Variants in LPP observed in about 807,000 individuals in gnomAD.
LPP encodes lipoma-preferred partner.
A neutral mutation model predicts 60.4 loss-of-function variants in LPP; 38 were observed. The observed-to-expected ratio is 0.63, with a 90% CI of 0.49 to 0.83. The LOEUF (loss-of-function observed/expected upper bound fraction) is 0.83. LPP is among the 40% of genes least tolerant of loss of function. LPP has a pLI of 0.00. For synonymous variants in LPP, 328 were observed against 290.8 expected, an observed-to-expected ratio of 1.13 and a Z score of -1.30; for missense variants, 902 against 783.6, an observed-to-expected ratio of 1.15 and a Z score of -1.80.
intron 3 of LPP, among the ~76,000 whole-genome samples, chr3:188,362,580 T>C (rs547815715): frequency 6.6e-6 from 1 of 152,340 alleles, no homozygotes; most frequent in Admixed American, 6.5e-5. Flanking sequence ...AGATAGCCTC[T>C]TTTTATTTCC....
chr3:188,157,966 T>C (rs534355530), intron 1 of LPP, among the ~76,000 whole-genome samples: 2 of 152,208 alleles, frequency 1.3e-5, no homozygotes, highest in East Asian at 3.9e-4. Context: ...AAGAGGACCA[T>C]GGAAAATGGA....
chr3:188,760,295 T>C lies in LPP; in HGVS notation c.1410+13T>C, dbSNP rs781067762. The C allele has an allele frequency of 6.2e-7, 1 of 1,613,960 alleles. No individual in the cohort carries two copies. Among genetic ancestry groups the C allele is most frequent in the Admixed American group, 1.7e-5 (1 of 60,006 alleles). ...GCCCTGCTACATTGTAAGTTCCAGATTTGTTCCTCAAGCACTTTGCAAAGA... is the reference window on the plus strand; with the variant it reads ...GCCCTGCTACATTGTAAGTTCCAGACTTGTTCCTCAAGCACTTTGCAAAGA... On this transcript the variant is annotated intron_variant, in intron 9 of 11. Coordinates refer to ENST00000617246, the MANE Select transcript of LPP (RefSeq NM_001375462.1).
chr3:188,762,945 TG>T (rs1183978447), intron 9 of LPP, among the ~76,000 whole-genome samples: 1 of 152,196 alleles, frequency 6.6e-6, no homozygotes, highest in Non-Finnish European at 1.5e-5. Context: ...AGCCCTCAGA[TG>T]GATGTATCAG....
chr3:188,534,681 G>A (rs1358326503), intron 6 of LPP, among the ~76,000 whole-genome samples: 1 of 152,176 alleles, frequency 6.6e-6, no homozygotes, highest in Non-Finnish European at 1.5e-5. Flanking sequence ...AAGAGAAAAA[G>A]CCGTGTCTCA....
intron 1 of LPP, among the ~76,000 whole-genome samples, chr3:188,161,454 A>T (rs897780331): frequency 2.0e-5 from 3 of 152,212 alleles, no homozygotes; most frequent in African/African-American, 7.2e-5. Flanking sequence ...TGGCTGGGGA[A>T]AAGAATTTTT....
chr3:188,176,878 A>C (rs1410762181), intron 1 of LPP, among the ~76,000 whole-genome samples: 8 of 152,222 alleles, frequency 5.3e-5, no homozygotes, highest in Admixed American at 3.3e-4. Context: ...GTGGAAAAAC[A>C]CAAGGCTTAG....
At chr3:188,170,174 C>A in intron 1 of LPP, among the ~76,000 whole-genome samples, 1 of 152,308 alleles carries the variant, frequency 6.6e-6, no homozygotes, top group Non-Finnish European at 1.5e-5. Context: ...TTTCTGCCTT[C>A]GGCTTTGTTC....
rs75646212 is a variant in LPP at position 188,749,345 on chromosome 3, T to C, written c.1241-10768T>C. On this transcript the variant is annotated intron_variant, in intron 8 of 11. Transcript: ENST00000617246. Reference sequence around the variant, plus strand: ...CAGCTTGCTATGACATCTTAATCAATGAATTGCCTCTCTCTTACCCTTTGT... The same window carrying C: ...CAGCTTGCTATGACATCTTAATCAACGAATTGCCTCTCTCTTACCCTTTGT... Among the ~76,000 whole-genome samples the C allele has an allele frequency of 3.7e-3, 566 of 152,302 alleles. 3 individuals carry two copies. Among genetic ancestry groups the C allele is most frequent in the African/African-American group, 0.013 (536 of 41,580 alleles).
intron 5 of LPP, among the ~76,000 whole-genome samples, chr3:188,513,481 A>AT (rs886663750): frequency 1.3e-5 from 2 of 151,848 alleles, no homozygotes; most frequent in African/African-American, 4.8e-5. Flanking sequence ...CCAAATATCT[A>AT]TTTTACTGTC....
chr3:188,708,323 G>A lies in LPP; in HGVS notation c.1170G>A (p.Glu390=). Residue 390 remains glutamate, a synonymous_variant, in exon 8 of 12, where the codon GAG becomes GAA. Coordinates refer to ENST00000617246, the MANE Select transcript of LPP (RefSeq NM_001375462.1). Reference sequence around the variant, plus strand: ...CAGTTGCCCCTTCATTCCGCCCAGAGGATGAGCTTGAGCACCTGACCAAAA... The same window carrying A: ...CAGTTGCCCCTTCATTCCGCCCAGAAGATGAGCTTGAGCACCTGACCAAAA... ...PSSVAPSFRP[E]DELEHLTKKM... 6.2e-7 allele frequency: 1 copy of A among 1,614,172 alleles called. No homozygotes were observed. The highest frequency in any genetic ancestry group is 8.5e-7 in the Non-Finnish European group (1 of 1,180,020).
At chr3:188,346,818 C>A (rs1764527008) in intron 3 of LPP, among the ~76,000 whole-genome samples, 1 of 152,130 alleles carries the variant, frequency 6.6e-6, no homozygotes, top group South Asian at 2.1e-4. Flanking sequence ...ATTTGAGTGG[C>A]ATACATTTCC....
At chr3:188,297,831 G>A (rs551350081) in intron 2 of LPP, among the ~76,000 whole-genome samples, 2 of 152,292 alleles carry the variant, frequency 1.3e-5, no homozygotes. Context: ...GACATTCAAA[G>A]GGATCAGGTA....
chr3:188,371,845 A>G (rs1478891755), intron 3 of LPP, among the ~76,000 whole-genome samples: 1 of 150,478 alleles, frequency 6.6e-6, no homozygotes, highest in Non-Finnish European at 1.5e-5. Context: ...TTTAGTAGAG[A>G]CGGGGTTTCG....
At chr3:188,275,816 C>T (rs1222892963) in intron 2 of LPP, among the ~76,000 whole-genome samples, 1 of 152,160 alleles carries the variant, frequency 6.6e-6, no homozygotes, top group Non-Finnish European at 1.5e-5. Flanking sequence ...GCTGGGATTA[C>T]AGGCACGTGC....
intron 8 of LPP, chr3:188,711,366 T>C (rs945074064): frequency 2.0e-5 from 3 of 152,196 alleles, no homozygotes; most frequent in African/African-American, 4.8e-5. Context: ...GATTTTGAAA[T>C]TAAGGCACAG....
In LPP at chr3:188,521,011, C is replaced by A. The variant is rs376445047; in HGVS notation, c.307-3654C>A. On this transcript the variant is annotated intron_variant, in intron 5 of 11. Transcript: ENST00000617246. ...TTGAGAGTAGCAAGATCCCCTAAATCGAAAGGTAAATGAATATCTACAGAT... is the reference window on the plus strand; with the variant it reads ...TTGAGAGTAGCAAGATCCCCTAAATAGAAAGGTAAATGAATATCTACAGAT... 5.1e-4 allele frequency among the ~76,000 whole-genome samples: 78 copies of A among 152,000 alleles called. 2 individuals carry two copies. In the South Asian group the frequency reaches 0.015, roughly 29 times the overall value.
intron 6 of LPP, among the ~76,000 whole-genome samples, chr3:188,577,738 T>G (rs1834976817): frequency 1.1e-5 from 1 of 93,902 alleles, no homozygotes; most frequent in African/African-American, 3.3e-5. Flanking sequence ...GTTTCCTTCC[T>G]TCCTTTGTTC....
chr3:188,572,870 G>A lies in LPP; in HGVS notation c.430-36291G>A, dbSNP rs1833831863. Among the ~76,000 whole-genome samples the A allele has an allele frequency of 6.6e-6, 1 of 152,032 alleles. No individual in the cohort carries two copies. The highest frequency in any genetic ancestry group is 1.5e-5 in the Non-Finnish European group (1 of 68,000). On this transcript the variant is annotated intron_variant, in intron 6 of 11. Coordinates refer to ENST00000617246, the MANE Select transcript of LPP (RefSeq NM_001375462.1). This position sits in a 1 kb window ranked among gnomAD's most constrained non-coding sequence, Gnocchi z 4.1. The stretch of plus-strand genomic sequence containing the variant: ...AATAGTTGTCATTTCCAACACTTTT[G>A]ACCTCCATGCCAGAGTAAAAGAGCT...
chr3:188,796,631 G>A (rs2151090013), intron 9 of LPP, among the ~76,000 whole-genome samples: 1 of 152,244 alleles, frequency 6.6e-6, no homozygotes, highest in Middle Eastern at 3.4e-3. Flanking sequence ...AAGAAACCAT[G>A]TTTAGTTAAG....
Sources: allele counts gnomAD v4.1 joint callset (sites outside exome capture counted in the v4.1 genomes callset), GRCh38; gene constraint gnomAD v4.1.1; non-coding constraint Gnocchi (gnomAD v3.1); transcripts MANE v1.5; gene names NCBI Gene and HGNC (gene_info 2026-07-23, HGNC 2026-07-21).